The following TGFBI variants were observed in gnomAD, a reference collection of about 807,000 sequenced individuals.
TGFBI encodes the protein transforming growth factor beta induced, also known as transforming growth factor-beta-induced protein ig-h3.
In TGFBI, 50 loss-of-function variants were observed where a neutral mutation model predicts 73.7. That is an observed-to-expected ratio of 0.68 (90% CI 0.54 to 0.86). TGFBI has a LOEUF of 0.86. TGFBI is among the 40% of genes least tolerant of loss of function. The pLI, the probability that TGFBI is intolerant of heterozygous loss-of-function variation, is 0.00. For synonymous variants in TGFBI, 362 were observed against 360.5 expected, an observed-to-expected ratio of 1.00 and a Z score of -0.05; for missense variants, 839 against 877.0, an observed-to-expected ratio of 0.96 and a Z score of 0.55.
chr5:136,038,974 T>C (rs1488570698), intron 2 of TGFBI, among the ~76,000 whole-genome samples: 4 of 152,224 alleles, frequency 2.6e-5, no homozygotes, highest in Non-Finnish European at 4.4e-5. Flanking sequence ...GCCACTAAAT[T>C]TGTGGTAATT....
At chr5:136,033,006 T>C (rs1282271175) in intron 1 of TGFBI, among the ~76,000 whole-genome samples, 1 of 152,132 alleles carries the variant, frequency 6.6e-6, no homozygotes, top group African/African-American at 2.4e-5. Context: ...ACAAGTTCAT[T>C]TCGTGCTCCT....
At chr5:136,062,579 G>A (rs1751766604) in intron 15 of TGFBI, 84 bp from the exon 16 acceptor site, 1 of 1,375,256 alleles carries the variant, frequency 7.3e-7, no homozygotes, top group Middle Eastern at 1.8e-4. Flanking sequence ...TCTGAGTAGG[G>A]GTGGCAATGG....
In TGFBI at chr5:136,046,946, G is replaced by A; in HGVS notation, c.555G>A (p.Leu185=). The A allele has an allele frequency of 6.2e-7, 1 of 1,613,766 alleles. No homozygotes were observed. Among genetic ancestry groups the A allele is most frequent in the Non-Finnish European group, 8.5e-7 (1 of 1,179,862 alleles). The change falls in exon 5 of 17, where the codon CTG becomes CTA. Residue 185 remains leucine, a synonymous_variant. Coordinates refer to ENST00000442011, the MANE Select transcript of TGFBI (RefSeq NM_000358.3). The stretch of plus-strand genomic sequence containing the variant: ...GCAGGCGAGTCCTGACTGATGAGCT[G>A]AAACACGGCATGACCCTCACCTCTA... ...MVGRRVLTDE[L]KHGMTLTSMY...
chr5:136,037,703 G>A (rs890058519), intron 2 of TGFBI, among the ~76,000 whole-genome samples: 3 of 152,220 alleles, frequency 2.0e-5, no homozygotes, highest in African/African-American at 7.2e-5. Flanking sequence ...AGCTGGCAGA[G>A]CACTCCTGTT....
In TGFBI at chr5:136,056,659, CT is replaced by C. The variant is rs774852613; in HGVS notation, c.1548-5del. 6.2e-7 allele frequency: 1 copy of C among 1,613,860 alleles called. No homozygotes were observed. The highest frequency in any genetic ancestry group is 1.1e-5 in the South Asian group (1 of 91,078). The stretch of plus-strand genomic sequence containing the variant: ...CAGGTGACATTTTCTGTGTGTGTAT[CT>C]ACAGCATGCTGGTAGCTGCCATCCA... On this transcript the variant is annotated splice_polypyrimidine_tract_variant and splice_region_variant and intron_variant, in intron 11 of 16. Transcript: ENST00000442011.
intron 12 of TGFBI, among the ~76,000 whole-genome samples, chr5:136,057,514 G>A (rs1003928411): frequency 6.6e-6 from 1 of 152,058 alleles, no homozygotes; most frequent in African/African-American, 2.4e-5. Flanking sequence ...GATTAAATAG[G>A]ATGCCACACA....
chr5:136,062,251 G>A (rs1412127833), intron 15 of TGFBI, among the ~76,000 whole-genome samples: 1 of 152,176 alleles, frequency 6.6e-6, no homozygotes, highest in Non-Finnish European at 1.5e-5. Flanking sequence ...GAGGCTGCAG[G>A]GAGCCATCCT....
intron 7 of TGFBI, among the ~76,000 whole-genome samples, chr5:136,050,119 G>A (rs889467756): frequency 1.3e-5 from 2 of 152,168 alleles, no homozygotes; most frequent in African/African-American, 2.4e-5. Flanking sequence ...GATCACCTGA[G>A]ATCTGGAATT....
chr5:136,062,698 T>A lies in TGFBI; in HGVS notation c.2011+11T>A. On this transcript the variant is annotated intron_variant, in intron 16 of 16. Transcript: ENST00000442011. ...GGTCTGTGCGACTAGGTGAGTCTGG[T>A]CTGGGTTTGAAGTCATTGCAGACCT... The A allele has an allele frequency of 6.4e-7, 1 of 1,566,554 alleles. No individual in the cohort carries two copies. Among genetic ancestry groups the A allele is most frequent in the Non-Finnish European group, 8.7e-7 (1 of 1,153,986 alleles).
rs764733086 is a variant in TGFBI, at chr5:136,047,438, G to T, written c.771+18G>T. 4.8e-5 allele frequency: 78 copies of T among 1,613,594 alleles called. No homozygotes were observed. Among genetic ancestry groups the T allele is most frequent in the Non-Finnish European group, 6.3e-5 (74 of 1,179,780 alleles). On this transcript the variant is annotated intron_variant, in intron 6 of 16. Transcript: ENST00000442011. ...CCCTTCGGGTAAGGGACTGCCCTGG[G>T]TGGAGGCCCAGGCTTGGGACACATT...
In TGFBI at chr5:136,061,521, G is replaced by A. The variant is rs1188159642; in HGVS notation, c.1928G>A (p.Gly643Glu). The A allele has an allele frequency of 6.2e-7, 1 of 1,609,710 alleles. No homozygotes were observed. The highest frequency in any genetic ancestry group is 1.3e-5 in the African/African-American group (1 of 74,880). Residue 643 changes from glycine (G) to glutamate (E), a missense_variant, in exon 15 of 17, where the codon GGG becomes GAG. By Grantham distance (98) the Gly-to-Glu change is moderately conservative. Transcript: ENST00000442011. ...TCAGCCAACAGACCTCAGGAAAGAG[G>A]GGATGAACTTGCAGACTCTGCGCTT... ...QPPANRPQER[G>E]DELADSALEI... is the part of the protein sequence containing the mutation.
intron 2 of TGFBI, among the ~76,000 whole-genome samples, chr5:136,035,921 G>T (rs2237067): frequency 0.02 from 3,086 of 152,240 alleles, 94 homozygotes; most frequent in East Asian, 0.082. Context: ...ACACTGTTTC[G>T]GGGGTGCCGC....
At chr5:136,058,890 G>A in intron 12 of TGFBI, 200 bp from the exon 13 acceptor site, 2 of 594,912 alleles carry the variant, frequency 3.4e-6, no homozygotes, top group East Asian at 6.3e-5. Context: ...ATGAACATGT[G>A]CTTTGTGTCC....
Position 136,063,292 on chromosome 5 carries a change from A to G in TGFBI, c.*66A>G. 1.4e-6 allele frequency: 2 copies of G among 1,454,166 alleles called. No individual in the cohort carries two copies. The highest frequency in any genetic ancestry group is 1.9e-6 in the Non-Finnish European group (2 of 1,040,620). 90.1% of individuals were successfully genotyped at this position (1,454,166 alleles called of 1,614,324 possible). On this transcript the variant is annotated 3_prime_UTR_variant, in exon 17 of 17. Transcript: ENST00000442011. ...GCCAATTTCTCTCAGATTTCCACAG[A>G]GACTGTTTGAATGTTTTCAAAACCA...
intron 10 of TGFBI, chr5:136,055,422 G>A (rs1158453249): frequency 1.1e-4 from 42 of 372,686 alleles, no homozygotes; most frequent in Non-Finnish European, 2.0e-4. Flanking sequence ...TGGACCTCAT[G>A]TGTAACTGAT....
intron 4 of TGFBI, 172 bp from the exon 5 acceptor site, chr5:136,046,679 C>A: frequency 1.7e-6 from 2 of 1,187,768 alleles, no homozygotes; most frequent in Non-Finnish European, 2.3e-6. Flanking sequence ...GCGTCTAATG[C>A]CCCCCGTTCC....
chr5:136,029,497 A>C (rs1751077210), intron 1 of TGFBI, among the ~76,000 whole-genome samples: 1 of 152,176 alleles, frequency 6.6e-6, no homozygotes, highest in Non-Finnish European at 1.5e-5. Flanking sequence ...CCTCCCAGCC[A>C]CTGCAGAAAG....
At chr5:136,042,948 C>T (rs889689882) in intron 2 of TGFBI, among the ~76,000 whole-genome samples, 9 of 152,248 alleles carry the variant, frequency 5.9e-5, no homozygotes, top group African/African-American at 2.2e-4. Context: ...TGTATTTCTT[C>T]CAGTCGGCCT....
chr5:136,031,810 A>C (rs967095047), intron 1 of TGFBI, among the ~76,000 whole-genome samples: 1 of 152,180 alleles, frequency 6.6e-6, no homozygotes, highest in African/African-American at 2.4e-5. Flanking sequence ...CTTCAGCATG[A>C]ACTTCCTATG....
Sources: gnomAD v4.1 joint callset for allele counts (sites outside exome capture counted in the v4.1 genomes callset) on GRCh38, gnomAD v4.1.1 for gene constraint, MANE v1.5 for transcripts, NCBI Gene and HGNC (gene_info 2026-07-23, HGNC 2026-07-21) for gene names.